The following LYAR variants were observed in gnomAD, a reference collection of about 807,000 sequenced individuals.
LYAR encodes Ly1 antibody reactive.
In LYAR, 37 loss-of-function variants were observed where a neutral mutation model predicts 45.2. The ratio of observed to expected loss-of-function variants is 0.82; its 90% CI spans 0.63 to 1.08. The LOEUF (loss-of-function observed/expected upper bound fraction) is 1.08. LYAR is among the 50% of genes least tolerant of loss of function. LYAR has a pLI of 0.00. For synonymous variants in LYAR, 176 were observed against 155.1 expected (o/e 1.14, Z -1.00); for missense variants, 493 against 451.0 (o/e 1.09, Z -0.84).
intron 6 of LYAR, among the ~76,000 whole-genome samples, chr4:4,278,425 C>A (rs1186824446): frequency 6.6e-6 from 1 of 152,146 alleles, no homozygotes; most frequent in Non-Finnish European, 1.5e-5. Flanking sequence ...CATATATAGT[C>A]CACATTTAGG....
At chr4:4,281,445 G>A (rs1431413449) in intron 4 of LYAR, among the ~76,000 whole-genome samples, 1 of 151,422 alleles carries the variant, frequency 6.6e-6, no homozygotes, top group East Asian at 1.9e-4. Context: ...TCAGCCTCCT[G>A]AGTAGCTGGG....
rs191034610 is a variant in LYAR, at chr4:4,282,699, G to A, written c.123-802C>T. ...TTCAAGAGGGGAGCCCTCTGCAAAC[G>A]ACCCACCTGAAGAACCGGTGTCTAA... On this transcript the variant is annotated intron_variant, in intron 3 of 9. Transcript: ENST00000343470. Among the ~76,000 whole-genome samples, 297 of 152,250 alleles carry A rather than the reference G, an allele frequency of 2.0e-3. 1 individual carries two copies. The highest frequency in any genetic ancestry group is 6.9e-3 in the Middle Eastern group (2 of 290).
At chr4:4,274,889 T>C (rs891921873) in intron 6 of LYAR, 120 bp from the exon 7 acceptor site, 1 of 918,004 alleles carries the variant, frequency 1.1e-6, no homozygotes, top group Admixed American at 2.8e-5. Flanking sequence ...TTTAATCCCT[T>C]ATCGTTTTAT....
intron 6 of LYAR, among the ~76,000 whole-genome samples, chr4:4,275,461 CA>C (rs1430029079): frequency 1.4e-5 from 2 of 146,430 alleles, no homozygotes; most frequent in African/African-American, 5.1e-5. Context: ...TTAATGGGGA[CA>C]GGGGTCTTGC....
In LYAR at chr4:4,283,764, T is replaced by C; in HGVS notation, c.-22A>G. 1 of 1,600,388 alleles carries C rather than the reference T, an allele frequency of 6.2e-7. No homozygotes were observed. ...CCATTTTTAGGTAAATGGCTAAATA[T>C]TCTCTATCCAAGACAGGTTTTAAGT... On this transcript the variant is annotated 5_prime_UTR_variant, in exon 3 of 10. Coordinates refer to ENST00000343470, the MANE Select transcript of LYAR (RefSeq NM_017816.3).
chr4:4,273,000 G>A (rs548244887), intron 8 of LYAR, among the ~76,000 whole-genome samples: 1 of 152,102 alleles, frequency 6.6e-6, no homozygotes, highest in South Asian at 2.1e-4. Context: ...TGAAGGCCAG[G>A]GACTGGATTC....
intron 8 of LYAR, among the ~76,000 whole-genome samples, chr4:4,269,858 T>C (rs997560873): frequency 6.6e-6 from 1 of 152,214 alleles, no homozygotes; most frequent in South Asian, 2.1e-4. Flanking sequence ...ACGTAAACTA[T>C]GTGAGGTGAT....
intron 1 of LYAR, among the ~76,000 whole-genome samples, chr4:4,288,275 C>T (rs1424710948): frequency 6.6e-6 from 1 of 150,460 alleles, no homozygotes; most frequent in Non-Finnish European, 1.5e-5. Context: ...TACCCAGCCC[C>T]CTCCTAAACC....
chr4:4,275,755 G>C (rs937449000), intron 6 of LYAR, among the ~76,000 whole-genome samples: 2 of 151,844 alleles, frequency 1.3e-5, no homozygotes, highest in Non-Finnish European at 2.9e-5. Flanking sequence ...GAGTGCAGTG[G>C]TGCAATCTCA....
chr4:4,267,745 T>C lies in LYAR; in HGVS notation c.*144A>G. 1.8e-6 allele frequency: 1 copy of C among 554,324 alleles called. No homozygotes were observed. 34.3% of individuals were successfully genotyped at this position (554,324 alleles called of 1,614,324 possible). On this transcript the variant is annotated 3_prime_UTR_variant, in exon 10 of 10. Transcript: ENST00000343470. Reference sequence around the variant, plus strand: ...ATATATTTTATTTTTCTCATAAAAGTTATACCAAAAATATATTTTCTTAAC... The same window carrying C: ...ATATATTTTATTTTTCTCATAAAAGCTATACCAAAAATATATTTTCTTAAC...
chr4:4,276,181 T>C (rs1719172366), intron 6 of LYAR, among the ~76,000 whole-genome samples: 1 of 152,086 alleles, frequency 6.6e-6, no homozygotes, highest in African/African-American at 2.4e-5. Flanking sequence ...CAGTGGCTGC[T>C]TCCAGGTGTG....
At chr4:4,285,292 C>T (rs1002884868) in intron 2 of LYAR, among the ~76,000 whole-genome samples, 14 of 152,298 alleles carry the variant, frequency 9.2e-5, no homozygotes, top group African/African-American at 3.4e-4. Context: ...AACATGACTA[C>T]CCTCGATGTG....
intron 3 of LYAR, 21 bp from the exon 4 acceptor site, chr4:4,281,918 C>T (rs983176047): frequency 2.6e-6 from 4 of 1,558,516 alleles, no homozygotes; most frequent in East Asian, 2.2e-5. Flanking sequence ...ATCAAAAGTT[C>T]TGCCATTAGA....
At chr4:4,274,270 A>C in intron 7 of LYAR, 97 bp downstream of exon 7, 2 of 1,328,572 alleles carry the variant, frequency 1.5e-6, no homozygotes, top group Non-Finnish European at 2.1e-6. Context: ...CCACACACAC[A>C]CGCACACAAA....
At chr4:4,288,589 G>C (rs1356635879) in intron 1 of LYAR, among the ~76,000 whole-genome samples, 1 of 150,634 alleles carries the variant, frequency 6.6e-6, no homozygotes, top group Non-Finnish European at 1.5e-5. Flanking sequence ...AGGTTCAAGT[G>C]ATTCTCCGGC....
intron 9 of LYAR, 122 bp from the exon 10 acceptor site, chr4:4,268,145 C>T (rs1718788296): frequency 5.7e-6 from 5 of 883,002 alleles, no homozygotes; most frequent in Admixed American, 7.4e-5. Flanking sequence ...GCAAGCGACA[C>T]CGGCGTGCTC....
At position 4,271,523 on chromosome 4, in the gene LYAR, T is replaced by C. The variant is rs569601356; in HGVS notation, c.919+2060A>G. ...ACAGGGATTTCCTTTCTTCTGAATATATACCCAAACAGTGGGGCTGCTGGA... is the reference window on the plus strand; with the variant it reads ...ACAGGGATTTCCTTTCTTCTGAATACATACCCAAACAGTGGGGCTGCTGGA... On this transcript the variant is annotated intron_variant, in intron 8 of 9. Transcript: ENST00000343470. 1.2e-4 allele frequency among the ~76,000 whole-genome samples: 18 copies of C among 152,304 alleles called. No homozygotes were observed. The East Asian group carries it at 1.7e-3, about 15-fold the overall frequency.
chr4:4,282,478 T>C (rs1188748485), intron 3 of LYAR, among the ~76,000 whole-genome samples: 1 of 152,206 alleles, frequency 6.6e-6, no homozygotes, highest in Non-Finnish European at 1.5e-5. Context: ...TAACCTACTT[T>C]ATATATCAAG....
intron 1 of LYAR, among the ~76,000 whole-genome samples, chr4:4,288,753 T>C (rs1470300601): frequency 1.3e-5 from 2 of 152,180 alleles, no homozygotes; most frequent in African/African-American, 4.8e-5. Flanking sequence ...CCCAAAGTGC[T>C]CGGATGACAG....
Sources: allele counts gnomAD v4.1 joint callset (sites outside exome capture counted in the v4.1 genomes callset), GRCh38; gene constraint gnomAD v4.1.1; transcripts MANE v1.5; gene names NCBI Gene and HGNC (gene_info 2026-07-23, HGNC 2026-07-21).